Variants in NAV2 observed in about 807,000 individuals in gnomAD.
NAV2 encodes helicase, APC down-regulated 1.
NAV2 carries 54 observed loss-of-function variants against 223.2 expected under a neutral mutation model. The ratio of observed to expected loss-of-function variants is 0.24; its 90% CI spans 0.19 to 0.30. NAV2 has a LOEUF of 0.30. NAV2 is among the 10% of genes least tolerant of loss of function. The pLI is 1.00. For missense variants in NAV2, 2,806 were observed against 3,147.5 expected (o/e 0.89, Z 2.60); for synonymous variants, 1,279 against 1,239.3 (o/e 1.03, Z -0.67).
chr11:19,592,968 T>C (rs1447425048), intron 1 of NAV2, among the ~76,000 whole-genome samples: 1 of 152,174 alleles, frequency 6.6e-6, no homozygotes, highest in Non-Finnish European at 1.5e-5. Flanking sequence ...CATTATGTAA[T>C]TATAGTACAG....
At chr11:19,378,511 A>G (rs1675605091) in intron 1 of NAV2, among the ~76,000 whole-genome samples, 2 of 148,204 alleles carry the variant, frequency 1.3e-5, no homozygotes, top group Admixed American at 1.4e-4. Context: ...ATCAGCGCGC[A>G]CCCTTAATAA....
At position 20,077,238 on chromosome 11, in the gene NAV2, GA is replaced by G. The variant is rs149147058; in HGVS notation, c.4984-313del. On this transcript the variant is annotated intron_variant, in intron 22 of 37. Transcript: ENST00000349880. ...TGAGGGTGTCGTGAAAGTACGAGCCGAGAGCTCTTTACACAGACAGGTAAAA... is the reference window on the plus strand; with the variant it reads ...TGAGGGTGTCGTGAAAGTACGAGCCGGAGCTCTTTACACAGACAGGTAAAA... 6.6e-3 allele frequency among the ~76,000 whole-genome samples: 1,009 copies of G among 152,216 alleles called. 9 individuals carry two copies. The highest frequency in any genetic ancestry group is 0.023 in the African/African-American group (971 of 41,518).
chr11:19,677,747 T>A (rs1427718519), intron 1 of NAV2, among the ~76,000 whole-genome samples: 1 of 152,260 alleles, frequency 6.6e-6, no homozygotes, highest in Non-Finnish European at 1.5e-5. Flanking sequence ...CCAAATCAGC[T>A]GGCCACGTTT....
At chr11:19,426,847 G>A (rs1054286338) in intron 1 of NAV2, among the ~76,000 whole-genome samples, 2 of 152,170 alleles carry the variant, frequency 1.3e-5, no homozygotes, top group African/African-American at 4.8e-5. Flanking sequence ...TTTATGCAGT[G>A]TGAAGAATCT....
At chr11:19,907,793 G>T (rs541100200) in intron 6 of NAV2, among the ~76,000 whole-genome samples, 1 of 152,342 alleles carries the variant, frequency 6.6e-6, no homozygotes, top group South Asian at 2.1e-4. Flanking sequence ...CTCTGAATAT[G>T]ATTTTATTTT....
chr11:20,068,275 T>C, intron 21 of NAV2, 49 bp from the exon 22 acceptor site: 2 of 1,610,632 alleles, frequency 1.2e-6, no homozygotes, highest in Non-Finnish European at 1.7e-6. Flanking sequence ...CCTGCTCACC[T>C]TGGAAATGGA....
chr11:20,068,203 G>A lies in NAV2; in HGVS notation c.4902G>A (p.Gln1634=). Residue 1634 remains glutamine (Q), a synonymous_variant, in exon 21 of 38, where the codon CAG becomes CAA. Coordinates refer to ENST00000349880, the MANE Select transcript of NAV2 (RefSeq NM_145117.5). ...CTTTACAGCCAGAAGAAAAATGCCA[G>A]TCAGAGGTAAGGAACAGCTTTCTGG... ...SVYSTPEEKC[Q]SEIRKLRREL... is the part of the protein sequence containing the mutation. 5.0e-6 allele frequency: 8 copies of A among 1,614,080 alleles called. No individual in the cohort carries two copies. Among genetic ancestry groups the A allele is most frequent in the Non-Finnish European group, 5.9e-6 (7 of 1,179,936 alleles).
chr11:19,506,977 C>A (rs927447865), intron 1 of NAV2: 2 of 152,126 alleles, frequency 1.3e-5, no homozygotes, highest in Non-Finnish European at 2.9e-5. Context: ...GGTCACACAC[C>A]CACAATGCCT....
At chr11:19,757,112 G>A (rs537408716) in intron 1 of NAV2, among the ~76,000 whole-genome samples, 98 of 152,266 alleles carry the variant, frequency 6.4e-4, no homozygotes, top group African/African-American at 2.2e-3. Flanking sequence ...CCACTTCAGC[G>A]CCCTGCTCTG....
intron 3 of NAV2, among the ~76,000 whole-genome samples, chr11:19,845,857 T>C (rs1349541458): frequency 6.6e-6 from 1 of 152,192 alleles, no homozygotes; most frequent in Admixed American, 6.5e-5. Flanking sequence ...ACTTTTAGAC[T>C]GTCAATCAGC....
chr11:19,368,459 T>A (rs1564882267), intron 1 of NAV2, among the ~76,000 whole-genome samples: 2 of 152,218 alleles, frequency 1.3e-5, no homozygotes, highest in Non-Finnish European at 2.9e-5. Flanking sequence ...AAGAAGAAAC[T>A]GGACCTGAGG....
intron 1 of NAV2, among the ~76,000 whole-genome samples, chr11:19,806,304 A>G (rs775244206): frequency 2.6e-5 from 4 of 152,242 alleles, no homozygotes; most frequent in Non-Finnish European, 5.9e-5. Context: ...GGGATATTAC[A>G]TTGTAAGTGA....
intron 1 of NAV2, among the ~76,000 whole-genome samples, chr11:19,830,359 G>C (rs2059865366): frequency 6.6e-6 from 1 of 152,236 alleles, no homozygotes; most frequent in African/African-American, 2.4e-5. Flanking sequence ...TGTATTCAGA[G>C]AGGCATTGCA....
At chr11:19,508,143 G>A (rs1262297556) in intron 1 of NAV2, among the ~76,000 whole-genome samples, 1 of 152,136 alleles carries the variant, frequency 6.6e-6, no homozygotes, top group Non-Finnish European at 1.5e-5. Flanking sequence ...ACATGCTGAT[G>A]GGGGCTGCTC....
chr11:20,080,248 A>G, intron 25 of NAV2, 39 bp downstream of exon 25: 3 of 1,586,256 alleles, frequency 1.9e-6, no homozygotes, highest in Non-Finnish European at 2.6e-6. Context: ...TGACGGACAG[A>G]GTCAGTTGCA....
chr11:19,858,262 A>G (rs888531299), intron 3 of NAV2, among the ~76,000 whole-genome samples: 1 of 152,152 alleles, frequency 6.6e-6, no homozygotes, highest in Non-Finnish European at 1.5e-5. Flanking sequence ...CTGTGCTTCT[A>G]TGAATTCAAC....
intron 1 of NAV2, among the ~76,000 whole-genome samples, chr11:19,548,634 C>T (rs1049966440): frequency 4.0e-5 from 6 of 151,132 alleles, no homozygotes; most frequent in Non-Finnish European, 7.4e-5. Context: ...TTTGGGAGGC[C>T]GAGGTGGGCG....
chr11:19,516,456 A>G (rs1036521669), intron 1 of NAV2, among the ~76,000 whole-genome samples: 36 of 152,200 alleles, frequency 2.4e-4, no homozygotes, highest in Admixed American at 3.9e-4. Context: ...AACACTTTTA[A>G]GGCTGATTTA....
At chr11:19,657,997 G>A (rs1351401205) in intron 1 of NAV2, among the ~76,000 whole-genome samples, 2 of 152,158 alleles carry the variant, frequency 1.3e-5, no homozygotes, top group Admixed American at 6.5e-5. Context: ...AACAATAAAA[G>A]CTACTATTTA....
Sources: gnomAD v4.1 joint callset for allele counts (sites outside exome capture counted in the v4.1 genomes callset) on GRCh38, gnomAD v4.1.1 for gene constraint, MANE v1.5 for transcripts, NCBI Gene and HGNC (gene_info 2026-07-23, HGNC 2026-07-21) for gene names.